PDGFRL: variants seen among roughly 807,000 people sequenced by gnomAD.
PDGFRL encodes the protein platelet-derived growth factor receptor-like protein.
In PDGFRL, 46 loss-of-function variants were observed where a neutral mutation model predicts 37.2. The ratio of observed to expected loss-of-function variants is 1.24; its 90% CI spans 0.98 to 1.58. The LOEUF (loss-of-function observed/expected upper bound fraction) is 1.58. Ranked by LOEUF, PDGFRL falls within the 40% of genes most tolerant of loss-of-function variation. The pLI, the probability that PDGFRL is intolerant of heterozygous loss-of-function variation, is 0.00. For missense variants in PDGFRL, 692 were observed against 467.6 expected (o/e 1.48, Z -4.43); for synonymous variants, 251 against 184.3 (o/e 1.36, Z -2.93).
At chr8:17,639,149 A>G (rs1805041170) in intron 5 of PDGFRL, among the ~76,000 whole-genome samples, 1 of 152,118 alleles carries the variant, frequency 6.6e-6, no homozygotes, top group South Asian at 2.1e-4. Context: ...AGTTTATGTT[A>G]GTCCTATTTG....
intron 3 of PDGFRL, among the ~76,000 whole-genome samples, chr8:17,627,503 G>A (rs867283295): frequency 6.8e-6 from 1 of 146,870 alleles, no homozygotes; most frequent in Non-Finnish European, 1.5e-5. Context: ...ATCTTGCTCT[G>A]TTGCCCAGGC....
intron 3 of PDGFRL, among the ~76,000 whole-genome samples, chr8:17,627,389 A>G (rs1300454208): frequency 6.6e-6 from 1 of 152,032 alleles, no homozygotes; most frequent in African/African-American, 2.4e-5. Flanking sequence ...ATGTAAATAC[A>G]TTTTCAGGGG....
intron 2 of PDGFRL, among the ~76,000 whole-genome samples, chr8:17,599,017 T>C (rs1167379227): frequency 6.6e-6 from 1 of 152,236 alleles, no homozygotes; most frequent in Non-Finnish European, 1.5e-5. Flanking sequence ...TTATTAGCAA[T>C]GTGAGAACAG....
intron 2 of PDGFRL, among the ~76,000 whole-genome samples, chr8:17,609,667 AAG>A (rs1804365765): frequency 1.2e-4 from 10 of 86,474 alleles, no homozygotes; most frequent in African/African-American, 4.4e-4. Flanking sequence ...AAAAAAAAAT[AAG>A]AGCCAAAGAG....
chr8:17,605,407 T>C (rs1404382787), intron 2 of PDGFRL, among the ~76,000 whole-genome samples: 2 of 152,174 alleles, frequency 1.3e-5, no homozygotes, highest in Non-Finnish European at 2.9e-5. Flanking sequence ...ATTAAAAACT[T>C]TGTGTAAGAA....
chr8:17,595,968 G>T (rs145142953), intron 2 of PDGFRL, among the ~76,000 whole-genome samples: 15 of 152,224 alleles, frequency 9.9e-5, no homozygotes, highest in African/African-American at 3.4e-4. Flanking sequence ...CCTCCAGTGG[G>T]TGAAACCTGG....
chr8:17,632,440 G>A (rs1346228732), intron 4 of PDGFRL, among the ~76,000 whole-genome samples: 1 of 151,778 alleles, frequency 6.6e-6, no homozygotes, highest in Non-Finnish European at 1.5e-5. Context: ...TCCTGGGCTC[G>A]AGGGATTCTC....
chr8:17,611,769 G>T (rs1417565101), intron 2 of PDGFRL, among the ~76,000 whole-genome samples: 1 of 152,168 alleles, frequency 6.6e-6, no homozygotes, highest in African/African-American at 2.4e-5. Context: ...TGATTTTCAG[G>T]AAAGTATATC....
chr8:17,609,453 C>T (rs181168360), intron 2 of PDGFRL, among the ~76,000 whole-genome samples: 6 of 149,684 alleles, frequency 4.0e-5, no homozygotes, highest in East Asian at 2.0e-4. Context: ...CCGACCTGGG[C>T]GACAGAGCGA....
intron 5 of PDGFRL, among the ~76,000 whole-genome samples, chr8:17,639,273 C>G (rs4921791): frequency 0.8 from 122,284 of 152,110 alleles, 50,518 homozygotes; most frequent in Non-Finnish European, 0.91. Context: ...CATTAGTATT[C>G]AGATGTGAGG....
intron 2 of PDGFRL, among the ~76,000 whole-genome samples, chr8:17,616,655 G>C (rs2588113): frequency 0.13 from 20,448 of 152,008 alleles, 1,518 homozygotes; most frequent in Non-Finnish European, 0.16. Flanking sequence ...TCCTTCCTTT[G>C]TACCAAGACC....
chr8:17,596,231 G>A (rs1409102908), intron 2 of PDGFRL: 33 of 603,034 alleles, frequency 5.5e-5, no homozygotes, highest in East Asian at 1.0e-4. Context: ...GACTCTGACC[G>A]GGCTGGGGGT....
chr8:17,620,471 T>G (rs1804608036), intron 2 of PDGFRL, among the ~76,000 whole-genome samples: 1 of 152,146 alleles, frequency 6.6e-6, no homozygotes, highest in African/African-American at 2.4e-5. Context: ...TGCACACAGT[T>G]TTCCCATTAT....
intron 2 of PDGFRL, among the ~76,000 whole-genome samples, chr8:17,592,144 T>C (rs1047270680): frequency 2.0e-5 from 3 of 152,202 alleles, no homozygotes; most frequent in Admixed American, 2.0e-4. Context: ...CAGTTCAGCC[T>C]TCACTTTAAC....
At chr8:17,629,176 G>C (rs371956618) in intron 4 of PDGFRL, among the ~76,000 whole-genome samples, 13 of 141,450 alleles carry the variant, frequency 9.2e-5, no homozygotes, top group African/African-American at 2.9e-4. Context: ...ACAATCCTTT[G>C]ATCTTAGCTT....
chr8:17,600,368 C>G (rs1804142241), intron 2 of PDGFRL, among the ~76,000 whole-genome samples: 2 of 152,184 alleles, frequency 1.3e-5, no homozygotes, highest in Admixed American at 1.3e-4. Context: ...GAATCCTCCA[C>G]TCTTCCAGAC....
intron 2 of PDGFRL, among the ~76,000 whole-genome samples, chr8:17,618,177 G>C (rs1433304364): frequency 6.6e-6 from 1 of 152,048 alleles, no homozygotes; most frequent in African/African-American, 2.4e-5. Flanking sequence ...TCCCACATCA[G>C]CCTCCTGAAT....
intron 4 of PDGFRL, among the ~76,000 whole-genome samples, chr8:17,631,377 G>C (rs1430145344): frequency 1.3e-5 from 2 of 152,112 alleles, no homozygotes; most frequent in Non-Finnish European, 2.9e-5. Flanking sequence ...CCCTGTCGGG[G>C]GGATCAGTAG....
chr8:17,613,482 G>A (rs922467541), intron 2 of PDGFRL, among the ~76,000 whole-genome samples: 21 of 152,300 alleles, frequency 1.4e-4, no homozygotes, highest in Middle Eastern at 3.4e-3. Context: ...CCAAGAATAG[G>A]ACCTGCAGGG....
Sources: gnomAD v4.1 joint callset for allele counts (sites outside exome capture counted in the v4.1 genomes callset) on GRCh38, gnomAD v4.1.1 for gene constraint, MANE v1.5 for transcripts, NCBI Gene and HGNC (gene_info 2026-07-23, HGNC 2026-07-21) for gene names.